ANKS1A: variants seen among roughly 807,000 people sequenced by gnomAD.
The protein encoded by ANKS1A is ankyrin repeat and sterile alpha motif domain containing 1A, also known as ankyrin repeat and SAM domain-containing protein 1A.
Under a neutral mutation model 120.3 loss-of-function variants are expected in ANKS1A, and 55 were observed. The observed-to-expected ratio is 0.46, with a 90% confidence interval of 0.37 to 0.57. The LOEUF is 0.57. Ranked by LOEUF, ANKS1A falls within the 20% of genes least tolerant of loss-of-function variation. The probability of loss-of-function intolerance (pLI) is 0.00; values close to 1 mark genes in which losing one functional copy is unlikely to be tolerated. For missense variants in ANKS1A, 1,123 were observed against 1,480.3 expected, an observed-to-expected ratio of 0.76 and a Z score of 3.96; for synonymous variants, 590 against 604.7, an observed-to-expected ratio of 0.98 and a Z score of 0.36.
intron 7 of ANKS1A, among the ~76,000 whole-genome samples, chr6:34,984,373 C>T (rs1772071539): frequency 6.6e-6 from 1 of 152,028 alleles, no homozygotes; most frequent in Non-Finnish European, 1.5e-5. Flanking sequence ...AAGGGATTTC[C>T]CAGAGGAGTG....
At chr6:35,033,624 ATCTTGGGCAACAAC>A (rs1226613740) in intron 11 of ANKS1A, among the ~76,000 whole-genome samples, 4 of 152,166 alleles carry the variant, frequency 2.6e-5, no homozygotes, top group Non-Finnish European at 5.9e-5. Flanking sequence ...GCCTTCTTTC[ATCTTGGGCAACAAC>A]TCAAGAACTG....
chr6:35,090,411 G>A lies in ANKS1A; in HGVS notation c.*1802G>A. The A allele has an allele frequency of 8.3e-7, 1 of 1,205,276 alleles. No individual in the cohort carries two copies. Among genetic ancestry groups the A allele is most frequent in the Non-Finnish European group, 1.1e-6 (1 of 948,764 alleles). 74.7% of individuals were successfully genotyped at this position (1,205,276 alleles called of 1,614,324 possible). A position where few individuals can be genotyped will look rare whatever the true frequency, so the allele number is the denominator to read the frequency against. On this transcript the variant is annotated 3_prime_UTR_variant, in exon 24 of 24. Coordinates refer to ENST00000360359, the MANE Select transcript of ANKS1A (RefSeq NM_015245.3). ...GTGGGCCTCTGTCGGGGGCGGGGCG[G>A]TAGGTCCGAAAGAAACCGCAGACAC...
Position 34,989,270 on chromosome 6 carries a change from A to G in ANKS1A, c.1256A>G (p.Glu419Gly). ...PPAKPPPDEE[E>G]EDHIDKKYFP... ...GCAAAGCCACCGCCCGATGAAGAGG[A>G]AGAAGACCACATAGATAAGAAGTAT... The change falls in exon 9 of 24, where the codon GAA (glutamate) becomes GGA (glycine). Residue 419 changes from glutamate to glycine, a missense_variant. Glu to Gly is a moderately conservative substitution (Grantham distance 98). Around this residue, in one of 3 missense-constraint regions of ANKS1A, gnomAD observed 904 missense variants for 1,130.4 expected, o/e 0.80. Transcript: ENST00000360359. 1 of 1,614,114 alleles carries G rather than the reference A, an allele frequency of 6.2e-7. No homozygotes were observed. The highest frequency in any genetic ancestry group is 8.5e-7 in the Non-Finnish European group (1 of 1,179,958).
In ANKS1A at chr6:35,085,688, G is replaced by A; in HGVS notation, c.3133-78G>A. On this transcript the variant is annotated intron_variant, in intron 21 of 23. Transcript: ENST00000360359. The surrounding 1 kb of genome is among the most constrained non-coding windows in gnomAD (Gnocchi z 4.7). ...GGGTAGACTTAGAGGGGGACACATG[G>A]TCCCTGCGAGGAAGGGCATATCCAG... 6.9e-7 allele frequency: 1 copy of A among 1,447,376 alleles called. No individual in the cohort carries two copies. Among genetic ancestry groups the A allele is most frequent in the Non-Finnish European group, 9.2e-7 (1 of 1,082,174 alleles). 89.7% of individuals were successfully genotyped at this position (1,447,376 alleles called of 1,614,324 possible).
intron 1 of ANKS1A, among the ~76,000 whole-genome samples, chr6:34,930,163 C>A (rs1336637865): frequency 6.6e-6 from 1 of 152,160 alleles, no homozygotes; most frequent in Non-Finnish European, 1.5e-5. Context: ...CTAATGGGAT[C>A]ATCTCCCAAT....
chr6:34,990,104 C>G (rs1290218108), intron 9 of ANKS1A, among the ~76,000 whole-genome samples: 3 of 152,174 alleles, frequency 2.0e-5, no homozygotes, highest in African/African-American at 7.2e-5. Flanking sequence ...GTTAATTACT[C>G]TCATCACTTT....
chr6:34,910,860 C>CAAA (rs10715320), intron 1 of ANKS1A, among the ~76,000 whole-genome samples: 1 of 80,308 alleles, frequency 1.2e-5, no homozygotes, highest in Non-Finnish European at 2.9e-5. Flanking sequence ...AACTCCATCT[C>CAAA]AAAAAAAAAA....
intron 9 of ANKS1A, among the ~76,000 whole-genome samples, chr6:34,992,496 GTTC>G (rs1772630981): frequency 6.6e-6 from 1 of 152,244 alleles, no homozygotes; most frequent in Non-Finnish European, 1.5e-5. Context: ...CTATATGAGA[GTTC>G]TTCCTGTGTG....
At chr6:35,033,906 G>A (rs1442081457) in intron 11 of ANKS1A, among the ~76,000 whole-genome samples, 4 of 152,166 alleles carry the variant, frequency 2.6e-5, no homozygotes, top group East Asian at 1.9e-4. Context: ...CTGGAAGAGA[G>A]CTCCACTAAG....
chr6:35,070,826 TTGTGTG>T lies in ANKS1A; in HGVS notation c.2185-7717_2185-7712del, dbSNP rs140599618. 2.4e-4 allele frequency: 115 copies of T among 489,172 alleles called. No homozygotes were observed. In the East Asian group the frequency reaches 3.4e-3, roughly 14 times the overall value. 30.3% of individuals were successfully genotyped at this position (489,172 alleles called of 1,614,324 possible). ...ACCCAGACACCCCTTTCTTTTTTCT[TTGTGTG>T]TGTGTGTGTGTGTGCGCGCCAAAGA... On this transcript the variant is annotated intron_variant, in intron 13 of 23. Transcript: ENST00000360359.
At chr6:35,064,468 G>A (rs150223811) in intron 13 of ANKS1A, among the ~76,000 whole-genome samples, 98 of 152,298 alleles carry the variant, frequency 6.4e-4, no homozygotes, top group East Asian at 4.6e-3. Flanking sequence ...TTGTTCCTAC[G>A]TGTTGGAGAG....
chr6:35,083,420 T>C lies in ANKS1A; in HGVS notation c.2911T>C (p.Ser971Pro). 6.2e-7 allele frequency: 1 copy of C among 1,613,998 alleles called. No homozygotes were observed. The highest frequency in any genetic ancestry group is 8.5e-7 in the Non-Finnish European group (1 of 1,179,976). The change falls in exon 20 of 24, where the codon TCT becomes CCT. Residue 971 changes from serine to proline, a missense_variant. Physicochemically the swap from Ser to Pro is moderately conservative, Grantham distance 74 (BLOSUM62 -1). Around this residue, in one of 3 missense-constraint regions of ANKS1A, gnomAD observed 904 missense variants for 1,130.4 expected, o/e 0.80. Coordinates refer to ENST00000360359, the MANE Select transcript of ANKS1A (RefSeq NM_015245.3). ...TQDACAKMRK[S>P]TEHMKKIPTI... is the part of the protein sequence containing the mutation. ...GGCCACCCCTTGTTTCCTGTAGAAATCTACGGAGCACATGAAGAAGATCCC... is the reference window on the plus strand; with the variant it reads ...GGCCACCCCTTGTTTCCTGTAGAAACCTACGGAGCACATGAAGAAGATCCC...
intron 1 of ANKS1A, among the ~76,000 whole-genome samples, chr6:34,890,964 A>G (rs1417934933): frequency 8.5e-5 from 13 of 152,274 alleles, no homozygotes; most frequent in Admixed American, 8.5e-4. Context: ...AAAAAGCAAT[A>G]TAAGTAGGTA....
chr6:35,079,572 C>G lies in ANKS1A; in HGVS notation c.2340C>G (p.Asp780Glu). The G allele has an allele frequency of 6.2e-7, 1 of 1,614,156 alleles. No individual in the cohort carries two copies. Among genetic ancestry groups the G allele is most frequent in the Non-Finnish European group, 8.5e-7 (1 of 1,180,010 alleles). Residue 780 changes from aspartate to glutamate, a missense_variant, in exon 15 of 24, where the codon GAC becomes GAG. Physicochemically the swap from Asp to Glu is conservative, Grantham distance 45. Coordinates refer to ENST00000360359, the MANE Select transcript of ANKS1A (RefSeq NM_015245.3). ...NSPPSVPSWL[D>E]SLGLQDYVHS... is the part of the protein sequence containing the mutation. ...CCCCTAGCGTGCCCTCCTGGCTGGA[C>G]TCCCTGGGGCTGCAGGACTACGTCC... is the stretch of plus-strand genomic sequence containing the variant.
At position 34,944,110 on chromosome 6, in the gene ANKS1A, T is replaced by C. The variant is rs966040822; in HGVS notation, c.198-23129T>C. Among the ~76,000 whole-genome samples the C allele has an allele frequency of 3.3e-5, 5 of 152,094 alleles. No individual in the cohort carries two copies. In the South Asian group the frequency reaches 6.2e-4, roughly 19 times the overall value. On this transcript the variant is annotated intron_variant, in intron 1 of 23. Transcript: ENST00000360359. The stretch of plus-strand genomic sequence containing the variant: ...AACACGGTGAAAACCCAGTCTCTAC[T>C]AAAAATACAAAAACAAAGTTAGCCG...
chr6:34,892,052 T>C (rs1766851151), intron 1 of ANKS1A, among the ~76,000 whole-genome samples: 1 of 152,356 alleles, frequency 6.6e-6, no homozygotes, highest in Admixed American at 6.5e-5. Flanking sequence ...GCTTCTACTT[T>C]GGGCCTCTTG....
chr6:35,025,594 C>G (rs1774584406), intron 11 of ANKS1A, among the ~76,000 whole-genome samples: 1 of 152,130 alleles, frequency 6.6e-6, no homozygotes, highest in African/African-American at 2.4e-5. Context: ...CTATCTGTTA[C>G]TCATCTGTTT....
At chr6:34,924,272 A>T (rs1768595556) in intron 1 of ANKS1A, among the ~76,000 whole-genome samples, 1 of 152,072 alleles carries the variant, frequency 6.6e-6, no homozygotes, top group Non-Finnish European at 1.5e-5. Context: ...TCTTGTTATG[A>T]TGCATTTATA....
At position 35,088,834 on chromosome 6, in the gene ANKS1A, TG is replaced by T. The variant is rs1184093773; in HGVS notation, c.*227del. ...ACTCCAGGCCGCTAGCAGATGGGACTGGCATTCCAGAGGGTCAAGAAGTGAC... is the reference window on the plus strand; with the variant it reads ...ACTCCAGGCCGCTAGCAGATGGGACTGCATTCCAGAGGGTCAAGAAGTGAC... On this transcript the variant is annotated 3_prime_UTR_variant, in exon 24 of 24. Transcript: ENST00000360359. 3 of 1,463,538 alleles carry T rather than the reference TG, an allele frequency of 2.0e-6. No individual in the cohort carries two copies. In the African/African-American group the frequency reaches 4.2e-5, roughly 21 times the overall value. The allele number at this position is 1,463,538 out of a possible 1,614,324, so 90.7% of individuals were successfully genotyped here. A position where few individuals can be genotyped will look rare whatever the true frequency, so the allele number is the denominator to read the frequency against.
Sources: allele counts gnomAD v4.1 joint callset (sites outside exome capture counted in the v4.1 genomes callset), GRCh38; gene constraint gnomAD v4.1.1; regional missense constraint gnomAD v4.1.1; non-coding constraint Gnocchi (gnomAD v3.1); transcripts MANE v1.5; gene names NCBI Gene and HGNC (gene_info 2026-07-23, HGNC 2026-07-21).